AGBL1: variants seen among roughly 807,000 people sequenced by gnomAD.
The protein encoded by AGBL1 is cytosolic carboxypeptidase 4.
Under a neutral mutation model 118.9 loss-of-function variants are expected in AGBL1, and 130 were observed. The ratio of observed to expected loss-of-function variants is 1.09; its 90% CI spans 0.95 to 1.26. AGBL1 has a LOEUF of 1.26. Ranked by LOEUF, AGBL1 falls within the 50% of genes most tolerant of loss-of-function variation. The pLI is 0.00. For missense variants in AGBL1, 1,584 were observed against 1,298.1 expected, an observed-to-expected ratio of 1.22 and a Z score of -3.38; for synonymous variants, 555 against 478.9, an observed-to-expected ratio of 1.16 and a Z score of -2.08.
At chr15:86,408,720 C>T (rs181286701) in intron 18 of AGBL1, among the ~76,000 whole-genome samples, 32 of 152,258 alleles carry the variant, frequency 2.1e-4, no homozygotes, top group African/African-American at 7.2e-4. Context: ...TCTGGTTCTA[C>T]CCTGTTTATC....
At chr15:86,678,238 A>AT (rs1203049623) in intron 22 of AGBL1, among the ~76,000 whole-genome samples, 3 of 152,090 alleles carry the variant, frequency 2.0e-5, no homozygotes, top group African/African-American at 7.2e-5. Context: ...CCTAGGTTAT[A>AT]TTTTTTACCT....
chr15:86,192,923 C>T (rs2077745728), intron 5 of AGBL1, among the ~76,000 whole-genome samples: 1 of 152,054 alleles, frequency 6.6e-6, no homozygotes, highest in Admixed American at 6.6e-5. Flanking sequence ...ATTATGCATC[C>T]ATTCCATTTA....
intron 21 of AGBL1, among the ~76,000 whole-genome samples, chr15:86,565,390 C>T (rs186005515): frequency 4.6e-5 from 7 of 152,350 alleles, no homozygotes; most frequent in Admixed American, 2.0e-4. Flanking sequence ...GTTTGCTGGA[C>T]GTCCACTCCA....
chr15:86,636,431 A>G (rs1466799274), intron 21 of AGBL1, among the ~76,000 whole-genome samples: 1 of 151,800 alleles, frequency 6.6e-6, no homozygotes, highest in Non-Finnish European at 1.5e-5. Context: ...TTTAAAACAT[A>G]CAGAGAAGAC....
intron 22 of AGBL1, among the ~76,000 whole-genome samples, chr15:86,791,728 T>TTATATATATATATATATATATATA (rs3059670): frequency 2.1e-5 from 3 of 142,894 alleles, no homozygotes; most frequent in African/African-American, 5.1e-5. Context: ...TCCTTGTTTT[T>TTATATATATATATATATATATATA]TATATATATA....
chr15:86,902,744 C>G (rs1276586695), intron 22 of AGBL1, among the ~76,000 whole-genome samples: 2 of 152,144 alleles, frequency 1.3e-5, no homozygotes, highest in Non-Finnish European at 2.9e-5. Context: ...CTTCTGGCCT[C>G]TATGGTTTCT....
At chr15:86,777,614 A>T (rs887184263) in intron 22 of AGBL1, among the ~76,000 whole-genome samples, 2 of 152,154 alleles carry the variant, frequency 1.3e-5, no homozygotes, top group African/African-American at 4.8e-5. Context: ...ATCCATGTAG[A>T]TATATCTGTT....
chr15:86,604,969 A>G (rs1181340668), intron 21 of AGBL1, among the ~76,000 whole-genome samples: 1 of 151,448 alleles, frequency 6.6e-6, no homozygotes, highest in Non-Finnish European at 1.5e-5. Flanking sequence ...CTAATTTTGT[A>G]TTTTTAGTAG....
intron 21 of AGBL1, among the ~76,000 whole-genome samples, chr15:86,664,590 C>A (rs1464223202): frequency 1.3e-5 from 2 of 152,048 alleles, no homozygotes; most frequent in African/African-American, 4.8e-5. Context: ...CTTCACTAGA[C>A]CTTTTTGCTG....
chr15:86,458,743 G>C (rs941747645), intron 18 of AGBL1, among the ~76,000 whole-genome samples: 1 of 152,196 alleles, frequency 6.6e-6, no homozygotes, highest in African/African-American at 2.4e-5. Context: ...CCATCACTAA[G>C]TACCTGTTGC....
chr15:86,402,297 A>T (rs574646742), intron 18 of AGBL1, among the ~76,000 whole-genome samples: 1 of 152,142 alleles, frequency 6.6e-6, no homozygotes, highest in Admixed American at 6.6e-5. Flanking sequence ...GTGTGTGTAC[A>T]TTGATTTTGT....
intron 21 of AGBL1, among the ~76,000 whole-genome samples, chr15:86,561,720 A>G (rs964489023): frequency 6.6e-6 from 1 of 152,192 alleles, no homozygotes; most frequent in South Asian, 2.1e-4. Context: ...TGGGGATGAC[A>G]TTGAATCTAT....
chr15:86,713,708 C>T (rs112882756), intron 22 of AGBL1, among the ~76,000 whole-genome samples: 5,150 of 152,182 alleles, frequency 0.034, 128 homozygotes, highest in Middle Eastern at 0.13. Flanking sequence ...CACTGCTCCT[C>T]CAGGGTACAT....
chr15:86,970,204 C>T (rs572177414), intron 23 of AGBL1, among the ~76,000 whole-genome samples: 6 of 151,886 alleles, frequency 4.0e-5, no homozygotes, highest in African/African-American at 1.4e-4. Context: ...TCAGAACAAC[C>T]CCTGAATGAG....
chr15:86,512,182 G>A (rs2083060059), intron 18 of AGBL1, among the ~76,000 whole-genome samples: 1 of 151,886 alleles, frequency 6.6e-6, no homozygotes, highest in Non-Finnish European at 1.5e-5. Context: ...AACCATTATA[G>A]TAAGGTAAAA....
Position 86,332,625 on chromosome 15 carries a change from G to A in AGBL1, c.2374+37217G>A, listed in dbSNP as rs182639560. ...TGCGCCACTGCACTCCAGCCTGGGC[G>A]ACAGAGTGAGACTCCATCTCAAAAA... On this transcript the variant is annotated intron_variant, in intron 17 of 22. Transcript: ENST00000614907. Among the ~76,000 whole-genome samples, 204 of 139,368 alleles carry A rather than the reference G, an allele frequency of 1.5e-3. 1 individual carries two copies. Among genetic ancestry groups the A allele is most frequent in the African/African-American group, 5.3e-3 (196 of 36,704 alleles). 91.4% of individuals were successfully genotyped at this position (139,368 alleles called of 152,430 possible).
intron 9 of AGBL1, among the ~76,000 whole-genome samples, chr15:86,261,409 A>G (rs1399767801): frequency 6.6e-6 from 1 of 152,226 alleles, no homozygotes; most frequent in African/African-American, 2.4e-5. Context: ...TGTACCTGAA[A>G]ATATCATTAA....
chr15:86,238,225 C>T (rs1239823294), intron 6 of AGBL1, among the ~76,000 whole-genome samples: 2 of 152,196 alleles, frequency 1.3e-5, no homozygotes, highest in African/African-American at 4.8e-5. Context: ...CTCCCCCTGC[C>T]ACTCCTGTGG....
chr15:86,341,452 C>T lies in AGBL1; in HGVS notation c.2374+46044C>T, dbSNP rs76342026. Among the ~76,000 whole-genome samples the T allele has an allele frequency of 1.0e-3, 159 of 152,244 alleles. 1 individual carries two copies. Among genetic ancestry groups the T allele is most frequent in the African/African-American group, 3.8e-3 (157 of 41,546 alleles). ...TTTCTGAGCTGGTCCACCTTCTTCT[C>T]TTCACTTTTCAGATACTTTTTATAT... On this transcript the variant is annotated intron_variant, in intron 17 of 22. Transcript: ENST00000614907.
Sources: allele counts gnomAD v4.1 joint callset (sites outside exome capture counted in the v4.1 genomes callset), GRCh38; gene constraint gnomAD v4.1.1; transcripts MANE v1.5; gene names NCBI Gene and HGNC (gene_info 2026-07-23, HGNC 2026-07-21).